Variants in INPP5A observed in about 807,000 individuals in gnomAD.
The protein encoded by INPP5A is inositol polyphosphate-5-phosphatase A.
INPP5A carries 14 observed loss-of-function variants against 65.2 expected under a neutral mutation model. The observed-to-expected ratio is 0.21, with a 90% CI of 0.14 to 0.34. The LOEUF is 0.34. INPP5A is among the 10% of genes least tolerant of loss of function. INPP5A has a pLI of 1.00. For synonymous variants in INPP5A, 207 were observed against 208.3 expected (o/e 0.99, Z 0.05); for missense variants, 431 against 545.6 (o/e 0.79, Z 2.09).
At chr10:132,636,903 T>C (rs1044856305) in intron 2 of INPP5A, among the ~76,000 whole-genome samples, 4 of 152,208 alleles carry the variant, frequency 2.6e-5, no homozygotes, top group African/African-American at 9.7e-5. Flanking sequence ...TCCGATTCTT[T>C]ACATTTTATT....
chr10:132,748,627 C>T (rs1029244594), intron 9 of INPP5A, among the ~76,000 whole-genome samples: 5 of 152,362 alleles, frequency 3.3e-5, no homozygotes, highest in Admixed American at 2.6e-4. Context: ...ATTTTCAAAA[C>T]AGGCCTCAAT....
At chr10:132,730,740 G>A (rs759203157) in intron 9 of INPP5A, among the ~76,000 whole-genome samples, 8 of 152,300 alleles carry the variant, frequency 5.3e-5, no homozygotes, top group Non-Finnish European at 1.0e-4. Flanking sequence ...CCCAGGTGGC[G>A]TCTTGAAGTC....
Position 132,555,491 on chromosome 10 carries a change from C to T in INPP5A, c.75+17320C>T, listed in dbSNP as rs2071114806. On this transcript the variant is annotated intron_variant, in intron 1 of 15. Transcript: ENST00000368594. The surrounding 1 kb of genome is among the most constrained non-coding windows in gnomAD (Gnocchi z 4.4). ...GGAGGATGAGGAGCTTGAAGTGACT[C>T]AGGGGACCTGGCGCCGTTGGTGTGT... is the stretch of plus-strand genomic sequence containing the variant. Among the ~76,000 whole-genome samples the T allele has an allele frequency of 6.6e-6, 1 of 151,964 alleles. No individual in the cohort carries two copies. The highest frequency in any genetic ancestry group is 6.5e-5 in the Admixed American group (1 of 15,278).
At chr10:132,717,027 G>C (rs189767873) in intron 8 of INPP5A, among the ~76,000 whole-genome samples, 104 of 152,334 alleles carry the variant, frequency 6.8e-4, no homozygotes, top group African/African-American at 2.5e-3. Flanking sequence ...CTGAGGTCCA[G>C]AGGCCATCTC....
intron 14 of INPP5A, among the ~76,000 whole-genome samples, chr10:132,781,309 G>A (rs902201691): frequency 2.0e-5 from 3 of 152,138 alleles, no homozygotes; most frequent in East Asian, 1.9e-4. Flanking sequence ...CCGAGGAGCC[G>A]GGGTGAGGGC....
intron 13 of INPP5A, among the ~76,000 whole-genome samples, chr10:132,778,608 C>T (rs1279630518): frequency 6.6e-6 from 1 of 152,212 alleles, no homozygotes; most frequent in Admixed American, 6.5e-5. Flanking sequence ...GGAACTGCAG[C>T]TGTGCCCAAC....
rs770773305 is a variant in INPP5A, at chr10:132,627,445, C to T, written c.118-18423C>T. On this transcript the variant is annotated intron_variant, in intron 2 of 15. Transcript: ENST00000368594. The surrounding 1 kb of genome is among the most constrained non-coding windows in gnomAD (Gnocchi z 6.6). Reference sequence around the variant, plus strand: ...GCGGTGGGGCTGGCGGTGCTGGGCGCGGCTCCCAAGATGCGTGCAGCTGTC... The same window carrying T: ...GCGGTGGGGCTGGCGGTGCTGGGCGTGGCTCCCAAGATGCGTGCAGCTGTC... Among the ~76,000 whole-genome samples the T allele has an allele frequency of 3.9e-5, 6 of 152,108 alleles. No individual in the cohort carries two copies. Among genetic ancestry groups the T allele is most frequent in the Non-Finnish European group, 5.9e-5 (4 of 68,006 alleles).
rs1260544333 is a variant in INPP5A at position 132,697,591 on chromosome 10, G to A, written c.371-225G>A. 6.6e-6 allele frequency among the ~76,000 whole-genome samples: 1 copy of A among 152,200 alleles called. No individual in the cohort carries two copies. The highest frequency in any genetic ancestry group is 6.5e-5 in the Admixed American group (1 of 15,288). On this transcript the variant is annotated intron_variant, in intron 5 of 15. Transcript: ENST00000368594. This position sits in a 1 kb window ranked among gnomAD's most constrained non-coding sequence, Gnocchi z 5.6. ...GGAGCTCTCAGGCGATAATGGAGTG[G>A]AGTGTCAGATTCCAGGTCATGGGAG...
intron 12 of INPP5A, among the ~76,000 whole-genome samples, chr10:132,776,449 C>T (rs746060530): frequency 2.6e-5 from 4 of 152,210 alleles, no homozygotes; most frequent in Non-Finnish European, 4.4e-5. Flanking sequence ...GCAGAATCCG[C>T]AGCTGAGGTG....
intron 1 of INPP5A, among the ~76,000 whole-genome samples, chr10:132,571,554 TA>T (rs1432201103): frequency 6.6e-6 from 1 of 152,142 alleles, no homozygotes; most frequent in African/African-American, 2.4e-5. Flanking sequence ...TAGCTAAATT[TA>T]AAAAAAGTGC....
At position 132,555,926 on chromosome 10, in the gene INPP5A, C is replaced by T. The variant is rs1051755257; in HGVS notation, c.75+17755C>T. On this transcript the variant is annotated intron_variant, in intron 1 of 15. Transcript: ENST00000368594. This position sits in a 1 kb window ranked among gnomAD's most constrained non-coding sequence, Gnocchi z 4.4. Reference sequence around the variant, plus strand: ...AAGAGGATGAACAGCCTCTCACCTGCTGGAATTCACCTTGGCTCAGCGCTT... The same window carrying T: ...AAGAGGATGAACAGCCTCTCACCTGTTGGAATTCACCTTGGCTCAGCGCTT... Among the ~76,000 whole-genome samples the T allele has an allele frequency of 6.6e-6, 1 of 152,070 alleles. No homozygotes were observed. The highest frequency in any genetic ancestry group is 1.5e-5 in the Non-Finnish European group (1 of 68,026).
intron 8 of INPP5A, 90 bp from the exon 9 acceptor site, chr10:132,726,731 C>A: frequency 2.3e-6 from 2 of 867,670 alleles, no homozygotes; most frequent in Non-Finnish European, 1.8e-6. Flanking sequence ...AGAGAGTGTG[C>A]GGATGGGGAG....
chr10:132,568,563 A>G (rs1411844174), intron 1 of INPP5A, among the ~76,000 whole-genome samples: 1 of 151,894 alleles, frequency 6.6e-6, no homozygotes, highest in African/African-American at 2.4e-5. Context: ...AGCCTGGCCA[A>G]TGTGGTAAAA....
intron 1 of INPP5A, among the ~76,000 whole-genome samples, chr10:132,564,810 C>T (rs1309472749): frequency 1.3e-5 from 2 of 152,124 alleles, no homozygotes; most frequent in African/African-American, 4.8e-5. Context: ...GAGTTCTGGT[C>T]AGTGGGATGG....
At chr10:132,721,706 GGTTCTGTCTGGGCGCCTT>G (rs1845886087) in intron 8 of INPP5A, among the ~76,000 whole-genome samples, 1 of 143,182 alleles carries the variant, frequency 7.0e-6, no homozygotes, top group African/African-American at 3.0e-5. Context: ...GTGGTGCCTG[GGTTCTGTCTGGGCGCCTT>G]AGACTGCTGT....
intron 7 of INPP5A, among the ~76,000 whole-genome samples, chr10:132,708,743 G>T (rs1172370764): frequency 1.3e-5 from 2 of 152,248 alleles, no homozygotes; most frequent in Non-Finnish European, 2.9e-5. Context: ...TGGCAGCCTG[G>T]TCCATCAGCA....
chr10:132,726,294 C>G (rs1219412102), intron 8 of INPP5A, among the ~76,000 whole-genome samples: 1 of 152,230 alleles, frequency 6.6e-6, no homozygotes, highest in Non-Finnish European at 1.5e-5. Flanking sequence ...GAGGGGACAT[C>G]CCTGTCTGGG....
At chr10:132,615,473 G>T (rs1420220063) in intron 2 of INPP5A, among the ~76,000 whole-genome samples, 1 of 152,352 alleles carries the variant, frequency 6.6e-6, no homozygotes, top group East Asian at 1.9e-4. Context: ...GCCCGTGGCC[G>T]CTGCTCAGTG....
intron 11 of INPP5A, among the ~76,000 whole-genome samples, chr10:132,755,025 ATG>A (rs1236141841): frequency 6.6e-6 from 1 of 150,622 alleles, no homozygotes; most frequent in African/African-American, 2.4e-5. Context: ...CTGTGTGAGT[ATG>A]CGTGTGTGTG....
Sources: allele counts gnomAD v4.1 joint callset (sites outside exome capture counted in the v4.1 genomes callset), GRCh38; gene constraint gnomAD v4.1.1; non-coding constraint Gnocchi (gnomAD v3.1); transcripts MANE v1.5; gene names NCBI Gene and HGNC (gene_info 2026-07-23, HGNC 2026-07-21).